The following RCC1L variants were observed in gnomAD, a reference collection of about 807,000 sequenced individuals.
The protein encoded by RCC1L is RCC1 like.
In RCC1L, 46 loss-of-function variants were observed where a neutral mutation model predicts 58.6. The observed-to-expected ratio is 0.79, with a 90% CI of 0.62 to 1.00. The LOEUF is 1.00. RCC1L is among the 50% of genes least tolerant of loss of function. The pLI is 0.00. For synonymous variants in RCC1L, 281 were observed against 262.9 expected, an observed-to-expected ratio of 1.07 and a Z score of -0.67; for missense variants, 636 against 623.6, an observed-to-expected ratio of 1.02 and a Z score of -0.21.
chr7:75,050,733 T>C (rs1805878835), intron 10 of RCC1L, among the ~76,000 whole-genome samples: 2 of 152,176 alleles, frequency 1.3e-5, no homozygotes, highest in South Asian at 4.2e-4. Context: ...GTTTCCAGGC[T>C]CAGGAGAAAG....
chr7:75,039,246 G>T (rs962005105), downstream of RCC1L, among the ~76,000 whole-genome samples: 1 of 152,220 alleles, frequency 6.6e-6, no homozygotes, highest in Non-Finnish European at 1.5e-5. Flanking sequence ...TTTCATAAGC[G>T]CATCCTGAGT....
chr7:75,032,890 A>T (rs1414173962), intron 10 of RCC1L, among the ~76,000 whole-genome samples: 1 of 151,616 alleles, frequency 6.6e-6, no homozygotes, highest in Non-Finnish European at 1.5e-5. Flanking sequence ...TGGTCAACAT[A>T]GTGTAACCCT....
Position 75,070,636 on chromosome 7 carries a change from T to C in RCC1L, c.454+4A>G, listed in dbSNP as rs369267514. The C allele has an allele frequency of 1.2e-6, 2 of 1,613,712 alleles. No individual in the cohort carries two copies. The highest frequency in any genetic ancestry group is 2.7e-5 in the African/African-American group (2 of 74,900). On this transcript the variant is annotated splice_donor_region_variant and intron_variant, in intron 2 of 10. Transcript: ENST00000610322. ...CAAAGAGGAGACAAGGTAGGGATGCTCACTTTTATCTTTCCGGCTCCTGTG... is the reference window on the plus strand; with the variant it reads ...CAAAGAGGAGACAAGGTAGGGATGCCCACTTTTATCTTTCCGGCTCCTGTG...
At chr7:75,033,569 C>T (rs903183523) in intron 10 of RCC1L, among the ~76,000 whole-genome samples, 3 of 152,094 alleles carry the variant, frequency 2.0e-5, no homozygotes, top group Non-Finnish European at 4.4e-5. Flanking sequence ...GTGGCAGCCA[C>T]CTGTAATCCC....
At chr7:75,033,518 A>C (rs1329888503) in intron 10 of RCC1L, among the ~76,000 whole-genome samples, 11 of 152,100 alleles carry the variant, frequency 7.2e-5, no homozygotes, top group South Asian at 2.1e-4. Context: ...AAAATGGTGA[A>C]TCCCCGTCTC....
intron 10 of RCC1L, among the ~76,000 whole-genome samples, chr7:75,032,562 A>G (rs1805331618): frequency 6.6e-6 from 1 of 152,084 alleles, no homozygotes; most frequent in Non-Finnish European, 1.5e-5. Flanking sequence ...AGCTGTGAGC[A>G]GGGCAGAGCT....
chr7:75,042,907 C>A lies in RCC1L; in HGVS notation c.*125G>T. The A allele has an allele frequency of 6.5e-7, 1 of 1,543,992 alleles. No homozygotes were observed. On this transcript the variant is annotated 3_prime_UTR_variant, in exon 11 of 11. Transcript: ENST00000610322. ...CGCTAAGGGATTCAGGACAGAGCGT[C>A]ACACTGCACGCAGGGTCCTCCGCCA... is the stretch of plus-strand genomic sequence containing the variant.
chr7:75,052,072 T>C (rs1337862435), intron 10 of RCC1L, among the ~76,000 whole-genome samples: 1 of 152,184 alleles, frequency 6.6e-6, no homozygotes, highest in Non-Finnish European at 1.5e-5. Flanking sequence ...AATTTTAGAA[T>C]GAGCGTCTCT....
intron 10 of RCC1L, among the ~76,000 whole-genome samples, chr7:75,051,553 C>T (rs1315067704): frequency 4.6e-5 from 7 of 151,964 alleles, no homozygotes; most frequent in Non-Finnish European, 1.0e-4. Flanking sequence ...GCTGGGATTA[C>T]AGGCGTGTGC....
At chr7:75,066,303 T>C (rs1272415173) in intron 3 of RCC1L, among the ~76,000 whole-genome samples, 1 of 151,662 alleles carries the variant, frequency 6.6e-6, no homozygotes, top group Non-Finnish European at 1.5e-5. Context: ...TACAAAAAAT[T>C]AGCTGGATGT....
intron 4 of RCC1L, 29 bp downstream of exon 4, chr7:75,064,552 TG>T: frequency 1.2e-6 from 2 of 1,612,712 alleles, no homozygotes; most frequent in Non-Finnish European, 1.7e-6. Context: ...TAACTCAACA[TG>T]GGGAAGGGTA....
intron 6 of RCC1L, among the ~76,000 whole-genome samples, chr7:75,060,481 A>G (rs1207730152): frequency 1.3e-5 from 2 of 152,152 alleles, no homozygotes; most frequent in Non-Finnish European, 2.9e-5. Context: ...TCCAGGCTGG[A>G]GTGCAATGGC....
chr7:75,041,113 G>A (rs1431430099), downstream of RCC1L, among the ~76,000 whole-genome samples: 1 of 152,084 alleles, frequency 6.6e-6, no homozygotes, highest in African/African-American at 2.4e-5. Context: ...AGCTACTCGG[G>A]AGGCTGAGAT....
At position 75,058,587 on chromosome 7, in the gene RCC1L, C is replaced by A; in HGVS notation, c.969+1G>T. On this transcript the variant is annotated splice_donor_variant, in intron 7 of 10. Coordinates refer to ENST00000610322, the MANE Select transcript of RCC1L (RefSeq NM_030798.5). LOFTEE classifies it high-confidence loss of function. ...GCACCACGCTGTCGGCGACTGCATA[C>A]CTGTGTGGAGTCAGTGACAGAGGCC... 6.2e-7 allele frequency: 1 copy of A among 1,601,174 alleles called. No homozygotes were observed. The highest frequency in any genetic ancestry group is 8.5e-7 in the Non-Finnish European group (1 of 1,172,992).
rs1805589184 is a variant in RCC1L at position 75,042,308 on chromosome 7, C to T, written c.*724G>A. On this transcript the variant is annotated 3_prime_UTR_variant, in exon 11 of 11. Coordinates refer to ENST00000610322, the MANE Select transcript of RCC1L (RefSeq NM_030798.5). ...TCACAATTTCTGGATCTTCCTCCTC[C>T]GCCTGGCACTGCAGCTGAGCCTTGG... The T allele has an allele frequency of 1.0e-5, 10 of 985,520 alleles. No individual in the cohort carries two copies. Among genetic ancestry groups the T allele is most frequent in the Non-Finnish European group, 1.2e-5 (10 of 829,958 alleles). The allele number at this position is 985,520 out of a possible 1,614,324, so 61.0% of individuals were successfully genotyped here.
At chr7:75,045,520 CTTT>C (rs781987423) in intron 10 of RCC1L, among the ~76,000 whole-genome samples, 9 of 143,196 alleles carry the variant, frequency 6.3e-5, no homozygotes, top group African/African-American at 7.7e-5. Flanking sequence ...ATGCATCTCT[CTTT>C]TTTTTTTTTT....
intron 10 of RCC1L, among the ~76,000 whole-genome samples, chr7:75,049,486 TA>T (rs1470334111): frequency 4.8e-5 from 7 of 145,728 alleles, no homozygotes; most frequent in Admixed American, 1.4e-4. Context: ...CCCCGTCTCT[TA>T]AAAAAAAAAC....
intron 3 of RCC1L, 33 bp from the exon 4 acceptor site, chr7:75,064,681 G>A: frequency 6.2e-7 from 1 of 1,610,034 alleles, no homozygotes. Flanking sequence ...AATCAGTTCT[G>A]CAGGTTTGTG....
intron 10 of RCC1L, among the ~76,000 whole-genome samples, chr7:75,034,473 G>A (rs1805390675): frequency 6.6e-6 from 1 of 152,012 alleles, no homozygotes; most frequent in Admixed American, 6.6e-5. Context: ...CTGAGATCGC[G>A]CCACTGCACT....
Sources: allele counts gnomAD v4.1 joint callset (sites outside exome capture counted in the v4.1 genomes callset), GRCh38; gene constraint gnomAD v4.1.1; transcripts MANE v1.5; gene names NCBI Gene and HGNC (gene_info 2026-07-23, HGNC 2026-07-21).